Variants in DPH6 observed in about 807,000 individuals in gnomAD.
The protein encoded by DPH6 is diphthamine biosynthesis 6.
A neutral mutation model predicts 38.2 loss-of-function variants in DPH6; 33 were observed. The ratio of observed to expected loss-of-function variants is 0.86; its 90% CI spans 0.65 to 1.15. The LOEUF is 1.15. Among genes scored for constraint, DPH6 ranks in the 50% most tolerant of loss-of-function variants. The probability of loss-of-function intolerance (pLI) is 0.00; values close to 1 mark genes in which losing one functional copy is unlikely to be tolerated. For synonymous variants in DPH6, 108 were observed against 103.0 expected (o/e 1.05, Z -0.30); for missense variants, 325 against 320.0 (o/e 1.02, Z -0.12).
intron 5 of DPH6, among the ~76,000 whole-genome samples, chr15:35,420,724 C>T (rs2053494768): frequency 6.6e-6 from 1 of 151,972 alleles, no homozygotes; most frequent in Admixed American, 6.6e-5. Flanking sequence ...ACCGTATTGG[C>T]CAGGCTGGTC....
At chr15:35,505,505 A>G (rs1043309996) in intron 3 of DPH6, among the ~76,000 whole-genome samples, 1 of 152,104 alleles carries the variant, frequency 6.6e-6, no homozygotes, top group Non-Finnish European at 1.5e-5. Flanking sequence ...TGTCTCATTG[A>G]AAGTTTTTTT....
intron 3 of DPH6, among the ~76,000 whole-genome samples, chr15:35,283,177 C>T (rs1288970055): frequency 6.8e-6 from 1 of 146,588 alleles, no homozygotes; most frequent in East Asian, 2.0e-4. Context: ...CCCCCTCTTC[C>T]TCTTCTTTTT....
intron 6 of DPH6, among the ~76,000 whole-genome samples, chr15:35,389,832 C>T (rs1340261746): frequency 6.6e-6 from 1 of 152,208 alleles, no homozygotes; most frequent in East Asian, 1.9e-4. Context: ...GAGCATTTAG[C>T]CCATTTACAT....
the DPH6 span, among the ~76,000 whole-genome samples, chr15:35,205,461 C>A: frequency 5.5e-3 from 841 of 151,980 alleles, 6 homozygotes; most frequent in African/African-American, 0.019. Context: ...CCATTGAACA[C>A]GATAAGATAT....
intron 3 of DPH6, among the ~76,000 whole-genome samples, chr15:35,250,132 C>T (rs781757293): frequency 2.6e-5 from 4 of 151,644 alleles, no homozygotes; most frequent in Non-Finnish European, 4.4e-5. Context: ...GAGCCGAGAT[C>T]GCGCCACTGC....
chr15:35,451,952 G>A (rs995468902), intron 4 of DPH6, among the ~76,000 whole-genome samples: 3 of 152,190 alleles, frequency 2.0e-5, no homozygotes, highest in South Asian at 2.1e-4. Flanking sequence ...GGAGCTTGCC[G>A]TAAGCCGAGA....
intron 3 of DPH6, among the ~76,000 whole-genome samples, chr15:35,244,504 C>A (rs1253171872): frequency 6.6e-6 from 1 of 152,236 alleles, no homozygotes; most frequent in Non-Finnish European, 1.5e-5. Flanking sequence ...TTCTAACACA[C>A]AATTTATTCA....
chr15:35,303,840 A>C (rs949967034), intron 3 of DPH6, among the ~76,000 whole-genome samples: 4 of 151,768 alleles, frequency 2.6e-5, no homozygotes, highest in African/African-American at 9.7e-5. Context: ...TCCCAGGATA[A>C]AGTAGGATTG....
chr15:35,416,359 A>G (rs981969090), intron 5 of DPH6, among the ~76,000 whole-genome samples: 1 of 152,066 alleles, frequency 6.6e-6, no homozygotes, highest in Non-Finnish European at 1.5e-5. Flanking sequence ...ACAATTTTAA[A>G]ACATATTTTT....
At chr15:35,452,513 G>A (rs575717583) in intron 4 of DPH6, among the ~76,000 whole-genome samples, 47 of 151,034 alleles carry the variant, frequency 3.1e-4, no homozygotes, top group African/African-American at 1.1e-3. Context: ...CTCTCTCTCA[G>A]AGATCCCAAT....
At chr15:35,542,622 C>G in intron 1 of DPH6, 115 bp from the exon 2 acceptor site, 1 of 1,007,004 alleles carries the variant, frequency 9.9e-7, no homozygotes, top group Non-Finnish European at 1.4e-6. Flanking sequence ...GAATATATTA[C>G]AATGCAAAAA....
At chr15:35,277,014 T>C (rs2051863749) in intron 3 of DPH6, among the ~76,000 whole-genome samples, 1 of 152,208 alleles carries the variant, frequency 6.6e-6, no homozygotes, top group Non-Finnish European at 1.5e-5. Context: ...TAGATTGCTT[T>C]TGGCAGTATG....
intron 1 of DPH6, among the ~76,000 whole-genome samples, chr15:35,543,224 A>G (rs1285270416): frequency 2.8e-5 from 4 of 143,834 alleles, no homozygotes; most frequent in Non-Finnish European, 4.5e-5. Context: ...CACTTCAGCC[A>G]TCTCTACACA....
At chr15:35,458,794 T>A (rs1455726756) in intron 3 of DPH6, among the ~76,000 whole-genome samples, 2 of 152,342 alleles carry the variant, frequency 1.3e-5, no homozygotes, top group East Asian at 3.9e-4. Context: ...TGAGGTATAA[T>A]CATGTACAAT....
intron 3 of DPH6, among the ~76,000 whole-genome samples, chr15:35,284,197 G>A (rs772359116): frequency 3.3e-5 from 5 of 152,122 alleles, no homozygotes; most frequent in Non-Finnish European, 5.9e-5. Flanking sequence ...GAAACTTTGA[G>A]AGCTTGATGA....
At chr15:35,318,027 G>GA (rs1180572048) in intron 3 of DPH6, among the ~76,000 whole-genome samples, 5 of 151,882 alleles carry the variant, frequency 3.3e-5, no homozygotes, top group African/African-American at 1.2e-4. Context: ...GAGAGAGGCA[G>GA]AAAATAGAGG....
At chr15:35,435,059 C>T (rs1345261306) in intron 5 of DPH6, among the ~76,000 whole-genome samples, 1 of 151,920 alleles carries the variant, frequency 6.6e-6, no homozygotes, top group East Asian at 1.9e-4. Flanking sequence ...CAGGTGTGAG[C>T]CACTATGCCT....
In DPH6 at chr15:35,371,122, T is replaced by C. The variant is rs1358063575; in HGVS notation, c.*1028A>G. Reference sequence around the variant, plus strand: ...ACTGCATGAAAAGCTATATACTGTATGATTTCAACTACATTACATTCTGGT... The same window carrying C: ...ACTGCATGAAAAGCTATATACTGTACGATTTCAACTACATTACATTCTGGT... On this transcript the variant is annotated 3_prime_UTR_variant, in exon 9 of 9. Transcript: ENST00000256538. 1 of 151,800 alleles carries C rather than the reference T, an allele frequency of 6.6e-6. No individual in the cohort carries two copies. Among genetic ancestry groups the C allele is most frequent in the East Asian group, 1.9e-4 (1 of 5,188 alleles). The allele number at this position is 151,800 out of a possible 1,614,324, so 9.4% of individuals were successfully genotyped here. A position where few individuals can be genotyped will look rare whatever the true frequency, so the allele number is the denominator to read the frequency against.
rs559255732 is a variant in DPH6 at position 35,442,115 on chromosome 15, A to C, written c.505+8570T>G. On this transcript the variant is annotated intron_variant, in intron 5 of 8. Transcript: ENST00000256538. ...AAGAGAAAACCCACAAAATGGGAGA[A>C]AATATTTAAAATCACACATTTGATA... is the stretch of plus-strand genomic sequence containing the variant. Among the ~76,000 whole-genome samples the C allele has an allele frequency of 4.6e-5, 7 of 152,324 alleles. No individual in the cohort carries two copies. The East Asian group carries it at 1.2e-3, about 25-fold the overall frequency.
Sources: gnomAD v4.1 joint callset for allele counts (sites outside exome capture counted in the v4.1 genomes callset) on GRCh38, gnomAD v4.1.1 for gene constraint, MANE v1.5 for transcripts, NCBI Gene and HGNC (gene_info 2026-07-23, HGNC 2026-07-21) for gene names.